NLRP14: variants seen among roughly 807,000 people sequenced by gnomAD.
NLRP14 encodes the protein NLR family pyrin domain containing 14.
In NLRP14, 105 loss-of-function variants were observed where a neutral mutation model predicts 94.7. The ratio of observed to expected loss-of-function variants is 1.11; its 90% confidence interval spans 0.95 to 1.30. The LOEUF (loss-of-function observed/expected upper bound fraction) is 1.30, where lower values mean the gene tolerates loss of function less well. NLRP14 is among the 50% of genes most tolerant of loss of function. The pLI is 0.00. For missense variants in NLRP14, 1,362 were observed against 1,254.1 expected, an observed-to-expected ratio of 1.09 and a Z score of -1.30; for synonymous variants, 508 against 459.9, an observed-to-expected ratio of 1.10 and a Z score of -1.34.
rs114183300 is a variant in NLRP14 at position 7,062,429 on chromosome 11, C to T, written c.2901C>T (p.Asn967=). The T allele has an allele frequency of 6.3e-4, 1,016 of 1,613,098 alleles. 5 individuals are homozygous for T. In the African/African-American group the frequency reaches 0.011, roughly 17 times the overall value. ...TGAGGAGCCTGGACCTTGGGAACAA[C>T]GATTTGCAGGATGATGGAGTGAAAA... is the stretch of plus-strand genomic sequence containing the variant. ...PNLRSLDLGN[N]DLQDDGVKIL... Residue 967 remains asparagine (N), a synonymous_variant, in exon 10 of 12, where the codon AAC becomes AAT. Transcript: ENST00000299481.
chr11:7,062,651 AT>A, intron 10 of NLRP14, 148 bp downstream of exon 10: 1 of 743,284 alleles, frequency 1.3e-6, no homozygotes, highest in Non-Finnish European at 2.3e-6. Flanking sequence ...TTTCAAATAA[AT>A]GGATCAATGT....
At chr11:7,088,766 T>C in the NLRP14 span, among the ~76,000 whole-genome samples, 1 of 152,316 alleles carries the variant, frequency 6.6e-6, no homozygotes, top group South Asian at 2.1e-4. Flanking sequence ...ATTACAATTG[T>C]TCTCATTAAA....
intron 1 of NLRP14, among the ~76,000 whole-genome samples, chr11:7,036,977 T>C (rs1490579689): frequency 2.0e-5 from 3 of 152,048 alleles, no homozygotes; most frequent in South Asian, 4.2e-4. Flanking sequence ...AGATCACAGG[T>C]AGAGAAATAA....
Position 7,070,419 on chromosome 11 carries a change from G to A in NLRP14, c.3109G>A (p.Val1037Ile). 2 of 1,611,928 alleles carry A rather than the reference G, an allele frequency of 1.2e-6. No individual in the cohort carries two copies. Among genetic ancestry groups the A allele is most frequent in the Middle Eastern group, 1.7e-4 (1 of 6,056 alleles). ...GYEGIVKLYK[V>I]LKSPKCKLQV... is the part of the protein sequence containing the mutation. ...TGAAGGAATTGTGAAGTTATATAAA[G>A]TCTTGAAGTCTCCTAAGTGTAAACT... is the stretch of plus-strand genomic sequence containing the variant. The change falls in exon 11 of 12, where the codon GTC (valine) becomes ATC (isoleucine). Residue 1037 changes from valine to isoleucine, a missense_variant. Val to Ile is a conservative substitution (Grantham distance 29, BLOSUM62 3). Transcript: ENST00000299481.
intron 10 of NLRP14, among the ~76,000 whole-genome samples, chr11:7,068,635 C>T (rs12421692): frequency 0.047 from 7,109 of 152,118 alleles, 231 homozygotes; most frequent in East Asian, 0.13. Flanking sequence ...CTTAAGAACA[C>T]AAAAAATTGT....
rs751620516 is a variant in NLRP14, at chr11:7,070,344, T to C, written c.3034T>C (p.Cys1012Arg). 1.9e-6 allele frequency: 3 copies of C among 1,610,220 alleles called. No homozygotes were observed. Among genetic ancestry groups the C allele is most frequent in the East Asian group, 4.5e-5 (2 of 44,842 alleles). ...CCQDLSSALICNKRLIKMNLT... is the reference protein window; with the variant it reads ...CCQDLSSALIRNKRLIKMNLT... ...TCAAGATCTCTCCTCTGCTCTTATCTGCAACAAAAGACTGATAAAAATGAA... is the reference window on the plus strand; with the variant it reads ...TCAAGATCTCTCCTCTGCTCTTATCCGCAACAAAAGACTGATAAAAATGAA... The change falls in exon 11 of 12, where the codon TGC becomes CGC. Residue 1012 changes from cysteine (C) to arginine (R), a missense_variant. By Grantham distance (180) the Cys-to-Arg change is radical. Coordinates refer to ENST00000299481, the MANE Select transcript of NLRP14 (RefSeq NM_176822.4).
intron 10 of NLRP14, among the ~76,000 whole-genome samples, chr11:7,065,637 C>A (rs1852692782): frequency 6.6e-6 from 1 of 152,044 alleles, no homozygotes; most frequent in African/African-American, 2.4e-5. Context: ...GTTTGAAGCA[C>A]AACTTCAGTG....
downstream of NLRP14, among the ~76,000 whole-genome samples, chr11:7,073,663 A>T (rs766425239): frequency 7.9e-5 from 12 of 152,282 alleles, no homozygotes; most frequent in African/African-American, 2.9e-4. Context: ...ATTTGCTAGG[A>T]TGGCTCACAG....
chr11:7,059,233 C>A (rs1490202014), intron 8 of NLRP14, among the ~76,000 whole-genome samples: 1 of 149,948 alleles, frequency 6.7e-6, no homozygotes, highest in Admixed American at 6.7e-5. Context: ...AAATAATTTT[C>A]TTAGCATGTT....
At position 7,071,356 on chromosome 11, in the gene NLRP14, A is replaced by C; in HGVS notation, c.*48A>C. 6.8e-7 allele frequency: 1 copy of C among 1,476,940 alleles called. No homozygotes were observed. The highest frequency in any genetic ancestry group is 2.5e-5 in the East Asian group (1 of 40,688). The allele number at this position is 1,476,940 out of a possible 1,614,324, so 91.5% of individuals were successfully genotyped here. On this transcript the variant is annotated 3_prime_UTR_variant, in exon 12 of 12. Coordinates refer to ENST00000299481, the MANE Select transcript of NLRP14 (RefSeq NM_176822.4). Reference sequence around the variant, plus strand: ...TAAAAATATAAATATAAATACATACATACATAGATATATACCCAGACTTGG... The same window carrying C: ...TAAAAATATAAATATAAATACATACCTACATAGATATATACCCAGACTTGG...
At position 7,020,778 on chromosome 11, in the gene NLRP14, G is replaced by A. The variant is rs1851913424; in HGVS notation, c.-22+8G>A. 6.6e-6 allele frequency: 1 copy of A among 152,300 alleles called. No individual in the cohort carries two copies. Among genetic ancestry groups the A allele is most frequent in the South Asian group, 2.1e-4 (1 of 4,834 alleles). 9.4% of individuals were successfully genotyped at this position (152,300 alleles called of 1,614,324 possible). ...CATCGCTCTAAACTCAAGGTTAGAGGTTTTCAAATTCCGTCCTATTGTTGC... is the reference window on the plus strand; with the variant it reads ...CATCGCTCTAAACTCAAGGTTAGAGATTTTCAAATTCCGTCCTATTGTTGC... On this transcript the variant is annotated splice_region_variant and intron_variant, in intron 1 of 11. Transcript: ENST00000299481.
At chr11:7,031,153 A>T (rs1030389025) in intron 1 of NLRP14, among the ~76,000 whole-genome samples, 1 of 152,114 alleles carries the variant, frequency 6.6e-6, no homozygotes, top group South Asian at 2.1e-4. Flanking sequence ...ATGCCTGTTG[A>T]TCCTTTCCTG....
At chr11:7,033,932 A>G (rs1341107543) in intron 1 of NLRP14, among the ~76,000 whole-genome samples, 3 of 152,192 alleles carry the variant, frequency 2.0e-5, no homozygotes, top group Non-Finnish European at 4.4e-5. Flanking sequence ...CATTCACAGT[A>G]TCAATAGCAC....
chr11:7,079,536 C>A, the NLRP14 span, among the ~76,000 whole-genome samples: 1 of 152,256 alleles, frequency 6.6e-6, no homozygotes, highest in South Asian at 2.1e-4. Flanking sequence ...TAAAATATTA[C>A]TTAATAATTT....
At chr11:7,057,530 A>C (rs1309550126) in intron 6 of NLRP14, 147 bp from the exon 7 acceptor site, 1 of 727,986 alleles carries the variant, frequency 1.4e-6, no homozygotes, top group Non-Finnish European at 2.4e-6. Flanking sequence ...TGCTTTAGTT[A>C]AATAACTTTT....
At chr11:7,050,022 C>T (rs1370633745) in intron 6 of NLRP14, among the ~76,000 whole-genome samples, 184 bp downstream of exon 6, 1 of 152,158 alleles carries the variant, frequency 6.6e-6, no homozygotes, top group Non-Finnish European at 1.5e-5. Flanking sequence ...TCATTCCTCC[C>T]ATCTCCCCAG....
downstream of NLRP14, among the ~76,000 whole-genome samples, chr11:7,075,434 T>C (rs1852863538): frequency 6.6e-6 from 1 of 152,192 alleles, no homozygotes; most frequent in Non-Finnish European, 1.5e-5. Context: ...AAACCAATTA[T>C]CTCAATTTAC....
At chr11:7,089,029 A>G in the NLRP14 span, 2 of 1,452,206 alleles carry the variant, frequency 1.4e-6, no homozygotes, top group Admixed American at 1.9e-5. Context: ...CCTGACCAGT[A>G]GGAGCCGCCC....
chr11:7,070,159 T>G (rs941997157), intron 10 of NLRP14, 127 bp from the exon 11 acceptor site: 1 of 704,068 alleles, frequency 1.4e-6, no homozygotes, highest in African/African-American at 1.8e-5. Flanking sequence ...TCCTTGAATT[T>G]ATACTAACTG....
Sources: gnomAD v4.1 joint callset for allele counts (sites outside exome capture counted in the v4.1 genomes callset) on GRCh38, gnomAD v4.1.1 for gene constraint, MANE v1.5 for transcripts, NCBI Gene and HGNC (gene_info 2026-07-23, HGNC 2026-07-21) for gene names.